The following KAZN variants were observed in gnomAD, a reference collection of about 807,000 sequenced individuals.
The protein encoded by KAZN is kazrin, periplakin interacting protein.
Under a neutral mutation model 87.4 loss-of-function variants are expected in KAZN, and 40 were observed. That is an observed-to-expected ratio of 0.46 (90% CI 0.36 to 0.60). The LOEUF is 0.60. Ranked by LOEUF, KAZN falls within the 20% of genes least tolerant of loss-of-function variation. The pLI is 0.00. For synonymous variants in KAZN, 466 were observed against 458.3 expected (o/e 1.02, Z -0.22); for missense variants, 898 against 1,073.9 (o/e 0.84, Z 2.29).
intron 2 of KAZN, among the ~76,000 whole-genome samples, chr1:14,349,601 A>G (rs915005620): frequency 6.6e-6 from 1 of 152,148 alleles, no homozygotes; most frequent in Admixed American, 6.5e-5. Context: ...TCTTGCACTG[A>G]GCCCACTTTG....
At chr1:14,367,820 C>T (rs1390579000) in intron 2 of KAZN, among the ~76,000 whole-genome samples, 2 of 152,232 alleles carry the variant, frequency 1.3e-5, no homozygotes, top group African/African-American at 2.4e-5. Flanking sequence ...AACATGCACA[C>T]TCACCTGTGC....
chr1:14,776,153 G>A (rs559816919), intron 1 of KAZN, among the ~76,000 whole-genome samples: 1 of 152,242 alleles, frequency 6.6e-6, no homozygotes, highest in South Asian at 2.1e-4. Flanking sequence ...GGGATTACAG[G>A]CTACCACGCC....
intron 2 of KAZN, among the ~76,000 whole-genome samples, chr1:14,969,471 G>A (rs1304542701): frequency 1.2e-4 from 19 of 152,226 alleles, no homozygotes; most frequent in Non-Finnish European, 1.5e-5. Context: ...CCAGCCCCTC[G>A]GTCCCACAGC....
chr1:14,966,546 A>G (rs570477566), intron 2 of KAZN, among the ~76,000 whole-genome samples: 1 of 152,352 alleles, frequency 6.6e-6, no homozygotes, highest in Admixed American at 6.5e-5. Context: ...CTTTGATACC[A>G]TGCTGAAATT....
intron 2 of KAZN, among the ~76,000 whole-genome samples, chr1:14,306,184 A>C (rs562538721): frequency 1.3e-4 from 20 of 152,270 alleles, no homozygotes; most frequent in African/African-American, 4.8e-4. Flanking sequence ...TTCACTGGAG[A>C]ACATTAGCAC....
chr1:14,865,971 A>T (rs1200579493), intron 1 of KAZN, among the ~76,000 whole-genome samples: 1 of 152,162 alleles, frequency 6.6e-6, no homozygotes, highest in East Asian at 1.9e-4. Context: ...GAGGGAGCAC[A>T]GCCCTGCCGA....
At position 13,945,780 on chromosome 1, in the gene KAZN, G is replaced by A. The variant is rs560139636; in HGVS notation, c.91+52024G>A. On this transcript the variant is annotated intron_variant, in intron 1 of 16. Transcript: ENST00000636203. ...CTTTAGTACATTTTTTTATGAAGCCGGTGCCTGGTAGATGGGGTGAACTGG... is the reference window on the plus strand; with the variant it reads ...CTTTAGTACATTTTTTTATGAAGCCAGTGCCTGGTAGATGGGGTGAACTGG... Among the ~76,000 whole-genome samples the A allele has an allele frequency of 8.3e-4, 126 of 151,126 alleles. No homozygotes were observed. The South Asian group carries it at 9.4e-3, about 11-fold the overall frequency.
chr1:14,898,168 C>T (rs1655466982), intron 1 of KAZN, among the ~76,000 whole-genome samples: 1 of 152,174 alleles, frequency 6.6e-6, no homozygotes, highest in Non-Finnish European at 1.5e-5. Context: ...CAGCTCCTTT[C>T]CCCAAGGTTC....
rs545996249 is a variant in KAZN at position 14,297,374 on chromosome 1, G to C, written c.249+116782G>C. On this transcript the variant is annotated intron_variant, in intron 2 of 16. Transcript: ENST00000636203. Reference sequence around the variant, plus strand: ...GAAAAGCAAAAACTGATTTTCGTTAGTCTCATTGGCCAGAACTGTATCACT... The same window carrying C: ...GAAAAGCAAAAACTGATTTTCGTTACTCTCATTGGCCAGAACTGTATCACT... Among the ~76,000 whole-genome samples the C allele has an allele frequency of 3.3e-5, 5 of 152,332 alleles. 1 individual carries two copies. The South Asian group carries it at 6.2e-4, about 19-fold the overall frequency.
chr1:13,930,861 G>A (rs1399691367), intron 1 of KAZN, among the ~76,000 whole-genome samples: 1 of 152,194 alleles, frequency 6.6e-6, no homozygotes, highest in African/African-American at 2.4e-5. Context: ...TTGGTTTGGA[G>A]AGAGAACACT....
chr1:14,115,039 C>T (rs1410245353), intron 1 of KAZN, among the ~76,000 whole-genome samples: 1 of 152,148 alleles, frequency 6.6e-6, no homozygotes, highest in Non-Finnish European at 1.5e-5. Context: ...TTAGTCAGCC[C>T]AGGCTGCCAT....
intron 1 of KAZN, among the ~76,000 whole-genome samples, chr1:14,669,992 A>G (rs941666839): frequency 6.6e-6 from 1 of 152,156 alleles, no homozygotes; most frequent in Non-Finnish European, 1.5e-5. Flanking sequence ...TTAAAAGAGA[A>G]CAGCCATATA....
At chr1:14,482,317 GAA>G (rs1252527640) in intron 2 of KAZN, among the ~76,000 whole-genome samples, 1 of 152,200 alleles carries the variant, frequency 6.6e-6, no homozygotes, top group Non-Finnish European at 1.5e-5. Context: ...GTCTAGAAAT[GAA>G]AAGTTATTTC....
chr1:14,344,713 C>G (rs2487753), intron 2 of KAZN, among the ~76,000 whole-genome samples: 11,542 of 152,102 alleles, frequency 0.076, 495 homozygotes, highest in East Asian at 0.17. Flanking sequence ...AAGAACTCAT[C>G]AAAATTAGAC....
rs1032852952 is a variant in KAZN at position 14,261,942 on chromosome 1, T to G, written c.249+81350T>G. 2.0e-5 allele frequency among the ~76,000 whole-genome samples: 3 copies of G among 152,250 alleles called. No individual in the cohort carries two copies. The East Asian group carries it at 5.8e-4, about 29-fold the overall frequency. On this transcript the variant is annotated intron_variant, in intron 2 of 16. Coordinates refer to the KAZN transcript ENST00000636203. Reference sequence around the variant, plus strand: ...AAATGCCGTGGTCCCCAAATGGTGGTGGACAGATGACCACTGGCATACATC... The same window carrying G: ...AAATGCCGTGGTCCCCAAATGGTGGGGGACAGATGACCACTGGCATACATC...
chr1:14,868,987 C>G (rs1307797474), intron 1 of KAZN, among the ~76,000 whole-genome samples: 2 of 152,154 alleles, frequency 1.3e-5, no homozygotes, highest in Non-Finnish European at 2.9e-5. Context: ...CCCACTCCAG[C>G]TTGGGGGCCC....
Position 14,376,024 on chromosome 1 carries a change from A to G in KAZN, c.249+195432A>G, listed in dbSNP as rs572051413. Among the ~76,000 whole-genome samples, 3 of 152,292 alleles carry G rather than the reference A, an allele frequency of 2.0e-5. No individual in the cohort carries two copies. In the South Asian group the frequency reaches 6.2e-4, roughly 32 times the overall value. ...ATACTCCAGGGGACCCTGGCCTCGC[A>G]TGACTTTGGGTCATTAGTTAACACA... On this transcript the variant is annotated intron_variant, in intron 2 of 16. Transcript: ENST00000636203.
intron 2 of KAZN, among the ~76,000 whole-genome samples, chr1:14,261,232 A>G (rs779413902): frequency 2.0e-5 from 3 of 151,782 alleles, no homozygotes; most frequent in Non-Finnish European, 4.4e-5. Context: ...TCTGAGACTC[A>G]GTTACTGCAG....
At chr1:14,759,988 C>A (rs1342256284) in intron 1 of KAZN, among the ~76,000 whole-genome samples, 3 of 152,064 alleles carry the variant, frequency 2.0e-5, no homozygotes, top group Non-Finnish European at 4.4e-5. Flanking sequence ...CTCAGGGCAG[C>A]CCCTCCTCCC....
Sources: allele counts gnomAD v4.1 joint callset (sites outside exome capture counted in the v4.1 genomes callset), GRCh38; gene constraint gnomAD v4.1.1; transcripts MANE v1.5; gene names NCBI Gene and HGNC (gene_info 2026-07-23, HGNC 2026-07-21).